Variants in ZNF407 observed in about 807,000 individuals in gnomAD.
ZNF407 encodes the protein zinc finger protein 407.
ZNF407 carries 17 observed loss-of-function variants against 131.2 expected under a neutral mutation model. That is an observed-to-expected ratio of 0.13 (90% confidence interval 0.09 to 0.19). The LOEUF (loss-of-function observed/expected upper bound fraction) is 0.19. Among genes scored for constraint, ZNF407 ranks in the 10% least tolerant of loss-of-function variants. The probability of loss-of-function intolerance (pLI) is 1.00; values close to 1 mark genes in which losing one functional copy is unlikely to be tolerated. For synonymous variants in ZNF407, 1,156 were observed against 1,062.0 expected (o/e 1.09, Z -1.72); for missense variants, 2,681 against 2,830.6 (o/e 0.95, Z 1.20).
intron 8 of ZNF407, among the ~76,000 whole-genome samples, chr18:74,922,950 T>C (rs1472616507): frequency 6.6e-6 from 1 of 152,216 alleles, no homozygotes; most frequent in Non-Finnish European, 1.5e-5. Context: ...GGGATAGTGA[T>C]GCCTACCACA....
intron 8 of ZNF407, among the ~76,000 whole-genome samples, chr18:75,037,612 A>AG (rs1478676505): frequency 1.3e-5 from 2 of 152,164 alleles, no homozygotes; most frequent in Non-Finnish European, 2.9e-5. Context: ...GTCCGTCTCA[A>AG]GGGAACATTA....
At chr18:74,973,152 G>GTATA (rs58264533) in intron 8 of ZNF407, among the ~76,000 whole-genome samples, 3 of 151,850 alleles carry the variant, frequency 2.0e-5, no homozygotes, top group African/African-American at 7.3e-5. Flanking sequence ...GTGTGTGTGT[G>GTATA]TATAAACATT....
rs1052510451 is a variant in ZNF407 at position 74,745,147 on chromosome 18, G to C, written c.4803-36281G>C. Among the ~76,000 whole-genome samples, 7 of 152,082 alleles carry C rather than the reference G, an allele frequency of 4.6e-5. No homozygotes were observed. The South Asian group carries it at 1.2e-3, about 27-fold the overall frequency. On this transcript the variant is annotated intron_variant, in intron 3 of 8. Transcript: ENST00000299687. ...TGTAATGAAAACATTCTTAAGATCAGTTTTAAAAAGGCAACTTAATAATTG... is the reference window on the plus strand; with the variant it reads ...TGTAATGAAAACATTCTTAAGATCACTTTTAAAAAGGCAACTTAATAATTG...
At chr18:74,989,567 G>A (rs979250463) in intron 8 of ZNF407, among the ~76,000 whole-genome samples, 1 of 152,044 alleles carries the variant, frequency 6.6e-6, no homozygotes, top group East Asian at 1.9e-4. Flanking sequence ...CTTGGCTGGG[G>A]GCGGTGGCTC....
intron 8 of ZNF407, among the ~76,000 whole-genome samples, chr18:74,925,606 C>T (rs1971903352): frequency 6.6e-6 from 1 of 152,220 alleles, no homozygotes; most frequent in Non-Finnish European, 1.5e-5. Flanking sequence ...TCTTGGCCCT[C>T]TATTTTTAAC....
In ZNF407 at chr18:74,843,627, A is replaced by G. The variant is rs1970663392; in HGVS notation, c.4878-33570A>G. On this transcript the variant is annotated intron_variant, in intron 4 of 8. Transcript: ENST00000299687. ...CTATGATTTATTCTCAGTGTCTGTA[A>G]ACTTATACTCATACTGGAGGGAATG... Among the ~76,000 whole-genome samples, 5 of 152,316 alleles carry G rather than the reference A, an allele frequency of 3.3e-5. No homozygotes were observed. The South Asian group carries it at 1.0e-3, about 32-fold the overall frequency.
chr18:74,674,784 G>A (rs1248106524), intron 3 of ZNF407, among the ~76,000 whole-genome samples: 1 of 152,194 alleles, frequency 6.6e-6, no homozygotes, highest in Non-Finnish European at 1.5e-5. Context: ...GTGTGGCTAT[G>A]TTTCTGCTTA....
intron 8 of ZNF407, among the ~76,000 whole-genome samples, chr18:74,999,570 G>A (rs1016184108): frequency 6.6e-6 from 1 of 152,146 alleles, no homozygotes; most frequent in African/African-American, 2.4e-5. Flanking sequence ...GCTCACGAAT[G>A]TGCCAGACTT....
chr18:74,858,100 C>T (rs1222375250), intron 4 of ZNF407, among the ~76,000 whole-genome samples: 1 of 145,578 alleles, frequency 6.9e-6, no homozygotes, highest in African/African-American at 2.6e-5. Context: ...TTCCTTCCTC[C>T]CTTCCTTTGC....
intron 8 of ZNF407, among the ~76,000 whole-genome samples, chr18:74,983,814 G>C (rs2034073): frequency 0.034 from 5,148 of 152,234 alleles, 327 homozygotes; most frequent in African/African-American, 0.12. Context: ...TGGAGCCTAA[G>C]AGGAGAAAGG....
chr18:74,883,515 A>G (rs1462796582), intron 6 of ZNF407, among the ~76,000 whole-genome samples: 2 of 152,302 alleles, frequency 1.3e-5, no homozygotes, highest in South Asian at 2.1e-4. Context: ...TCACCGCAAT[A>G]CAGACTGTCC....
At chr18:74,740,238 T>G (rs909077823) in intron 3 of ZNF407, among the ~76,000 whole-genome samples, 1 of 152,196 alleles carries the variant, frequency 6.6e-6, no homozygotes, top group African/African-American at 2.4e-5. Flanking sequence ...CAATTCCCGC[T>G]TCTTTGCCAT....
intron 4 of ZNF407, among the ~76,000 whole-genome samples, chr18:74,837,988 C>T (rs1005161673): frequency 5.3e-5 from 8 of 152,172 alleles, no homozygotes; most frequent in African/African-American, 1.9e-4. Flanking sequence ...CAAAACTAGT[C>T]CAGGTCTCCC....
intron 8 of ZNF407, among the ~76,000 whole-genome samples, chr18:75,060,601 G>A (rs1973618654): frequency 6.6e-6 from 1 of 151,456 alleles, no homozygotes; most frequent in Admixed American, 6.6e-5. Flanking sequence ...CGCCTCCCGG[G>A]TTCCCGCCAT....
intron 1 of ZNF407, among the ~76,000 whole-genome samples, chr18:74,625,195 T>C (rs368145703): frequency 2.6e-5 from 4 of 152,236 alleles, no homozygotes; most frequent in African/African-American, 4.8e-5. Context: ...ATGTGGAAAC[T>C]TTTTTCCTTT....
chr18:75,012,286 T>TAGCA (rs1568300415), intron 8 of ZNF407, among the ~76,000 whole-genome samples: 3 of 111,144 alleles, frequency 2.7e-5, no homozygotes, highest in Admixed American at 1.1e-4. Context: ...ACATAGTGTA[T>TAGCA]GTACACATAG....
intron 1 of ZNF407, chr18:74,598,576 C>T (rs1982420358): frequency 6.6e-6 from 1 of 152,394 alleles, no homozygotes; most frequent in East Asian, 1.9e-4. Flanking sequence ...CTCGCGCCTT[C>T]TTCCGTTAAG....
chr18:74,761,534 T>C (rs903942173), intron 3 of ZNF407, among the ~76,000 whole-genome samples: 1 of 152,170 alleles, frequency 6.6e-6, no homozygotes, highest in Admixed American at 6.5e-5. Context: ...TGATCAAATG[T>C]TAGAACTTGC....
intron 8 of ZNF407, among the ~76,000 whole-genome samples, chr18:74,998,446 AC>A (rs1972804005): frequency 6.6e-6 from 1 of 152,006 alleles, no homozygotes; most frequent in Non-Finnish European, 1.5e-5. Context: ...CCTCTAATCC[AC>A]TTTTCCATAT....
Sources: gnomAD v4.1 joint callset for allele counts (sites outside exome capture counted in the v4.1 genomes callset) on GRCh38, gnomAD v4.1.1 for gene constraint, MANE v1.5 for transcripts, NCBI Gene and HGNC (gene_info 2026-07-23, HGNC 2026-07-21) for gene names.